SRCIN1: variants seen among roughly 807,000 people sequenced by gnomAD.
SRCIN1 encodes the protein P130Cas-associated protein.
In SRCIN1, 50 loss-of-function variants were observed where a neutral mutation model predicts 116.2. The observed-to-expected ratio is 0.43, with a 90% CI of 0.34 to 0.54. The LOEUF (loss-of-function observed/expected upper bound fraction) is 0.54, where lower values mean the gene tolerates loss of function less well. SRCIN1 is among the 20% of genes least tolerant of loss of function. The pLI, the probability that SRCIN1 is intolerant of heterozygous loss-of-function variation, is 0.02. For missense variants in SRCIN1, 1,446 were observed against 1,672.0 expected (o/e 0.86, Z 2.36); for synonymous variants, 736 against 750.0 (o/e 0.98, Z 0.30).
chr17:38,568,245 TAAGAG>T lies in SRCIN1; in HGVS notation c.325-19_325-15del, dbSNP rs779338514. The T allele has an allele frequency of 6.2e-7, 1 of 1,612,174 alleles. No individual in the cohort carries two copies. The highest frequency in any genetic ancestry group is 1.1e-5 in the South Asian group (1 of 90,574). ...CCAGTAGTTTGGCTGCTGATGGAAA[TAAGAG>T]AAGAGATGGTTATGAGGGGGCCCAG... is the stretch of plus-strand genomic sequence containing the variant. On this transcript the variant is annotated splice_polypyrimidine_tract_variant and intron_variant, in intron 2 of 18. Coordinates refer to ENST00000617146, the MANE Select transcript of SRCIN1 (RefSeq NM_025248.3). The surrounding 1 kb of genome is among the most constrained non-coding windows in gnomAD (Gnocchi z 4.5).
At position 38,552,203 on chromosome 17, in the gene SRCIN1, G is replaced by T; in HGVS notation, c.2481-71C>A. 6.4e-7 allele frequency: 1 copy of T among 1,552,610 alleles called. No individual in the cohort carries two copies. Among genetic ancestry groups the T allele is most frequent in the African/African-American group, 1.4e-5 (1 of 73,610 alleles). ...GACCCTTCTGCAGGAAGGCTGCTCT[G>T]AGGGAGGTGGGGTGGGAGGCAGGCT... On this transcript the variant is annotated intron_variant, in intron 13 of 18. Transcript: ENST00000617146. This position sits in a 1 kb window ranked among gnomAD's most constrained non-coding sequence, Gnocchi z 5.3.
chr17:38,594,239 C>T (rs1908593236), intron 1 of SRCIN1, among the ~76,000 whole-genome samples: 1 of 152,168 alleles, frequency 6.6e-6, no homozygotes, highest in Non-Finnish European at 1.5e-5. Flanking sequence ...CCTGGCTTCT[C>T]CCGGCAGCAG....
chr17:38,539,725 C>T (rs188780709), intron 18 of SRCIN1, among the ~76,000 whole-genome samples: 6 of 152,226 alleles, frequency 3.9e-5, no homozygotes, highest in African/African-American at 1.4e-4. Context: ...CTGGTGTCGT[C>T]CTTTCATTAA....
At chr17:38,551,723 T>A in intron 14 of SRCIN1, 163 bp downstream of exon 14, 1 of 1,125,684 alleles carries the variant, frequency 8.9e-7, no homozygotes, top group Non-Finnish European at 1.3e-6. Context: ...CTAGGAGGGC[T>A]AATGTCACCC....
chr17:38,582,663 G>C (rs905951057), intron 1 of SRCIN1, among the ~76,000 whole-genome samples: 2 of 152,208 alleles, frequency 1.3e-5, no homozygotes, highest in African/African-American at 4.8e-5. Flanking sequence ...TCTCTCTGAG[G>C]GGCGGTGGCA....
intron 18 of SRCIN1, among the ~76,000 whole-genome samples, chr17:38,537,092 C>T (rs1202484034): frequency 3.3e-5 from 5 of 151,766 alleles, no homozygotes; most frequent in East Asian, 3.9e-4. Context: ...GCAGGAAGAT[C>T]GCTTGAATCA....
chr17:38,606,291 C>G (rs573456385), upstream of SRCIN1, among the ~76,000 whole-genome samples: 1 of 151,776 alleles, frequency 6.6e-6, no homozygotes, highest in African/African-American at 2.4e-5. This position sits in a 1 kb window ranked among gnomAD's most constrained non-coding sequence, Gnocchi z 5.2. Flanking sequence ...GTGGAGGACT[C>G]CTGGGTCTCC....
chr17:38,542,929 A>C, intron 18 of SRCIN1: 1 of 387,410 alleles, frequency 2.6e-6, no homozygotes, highest in Admixed American at 2.9e-5. Context: ...TGGACATATC[A>C]CAGCCCCCAC....
intron 1 of SRCIN1, among the ~76,000 whole-genome samples, chr17:38,597,130 C>A (rs559028440): frequency 1.3e-5 from 2 of 152,312 alleles, no homozygotes; most frequent in Non-Finnish European, 1.5e-5. Context: ...TCCAATTTTC[C>A]CACCGATTAC....
At chr17:38,535,365 C>T (rs1243226149) in intron 18 of SRCIN1, among the ~76,000 whole-genome samples, 4 of 152,014 alleles carry the variant, frequency 2.6e-5, no homozygotes, top group Non-Finnish European at 4.4e-5. Flanking sequence ...TGCGCCACCA[C>T]GCCCGGCTAA....
intron 2 of SRCIN1, among the ~76,000 whole-genome samples, chr17:38,569,039 C>T (rs901491753): frequency 6.6e-6 from 1 of 152,084 alleles, no homozygotes; most frequent in Non-Finnish European, 1.5e-5. Context: ...GAACCTCACT[C>T]ACTGGGCAAT....
chr17:38,581,653 G>A (rs1907830855), intron 1 of SRCIN1, among the ~76,000 whole-genome samples: 1 of 152,104 alleles, frequency 6.6e-6, no homozygotes, highest in Non-Finnish European at 1.5e-5. Flanking sequence ...AGTACAAAAG[G>A]TTTCCTGATA....
intron 1 of SRCIN1, among the ~76,000 whole-genome samples, chr17:38,584,876 A>T (rs1341235995): frequency 6.6e-6 from 1 of 152,086 alleles, no homozygotes; most frequent in African/African-American, 2.4e-5. Context: ...AAGGAAGGAG[A>T]GAGGCAAATG....
intron 18 of SRCIN1, among the ~76,000 whole-genome samples, chr17:38,534,837 C>T (rs2040977241): frequency 6.6e-6 from 1 of 152,132 alleles, no homozygotes; most frequent in African/African-American, 2.4e-5. Context: ...TTATGAGAAT[C>T]AAAACAAGGG....
intron 1 of SRCIN1, among the ~76,000 whole-genome samples, chr17:38,595,491 C>A (rs1034315009): frequency 1.3e-5 from 2 of 152,236 alleles, no homozygotes; most frequent in African/African-American, 2.4e-5. Flanking sequence ...GCTGGGATTA[C>A]AGGCGTGAGC....
In SRCIN1 at chr17:38,558,197, C is replaced by T; in HGVS notation, c.2201+30G>A. The T allele has an allele frequency of 1.2e-6, 2 of 1,604,158 alleles. No individual in the cohort carries two copies. The highest frequency in any genetic ancestry group is 1.7e-6 in the Non-Finnish European group (2 of 1,173,972). ...GCGGGTCACTCCAGCCGCACCCCCA[C>T]CCCTCCCTCCGCCGCGGGCCCAGCC... On this transcript the variant is annotated intron_variant, in intron 11 of 18. Coordinates refer to ENST00000617146, the MANE Select transcript of SRCIN1 (RefSeq NM_025248.3). The surrounding 1 kb of genome is among the most constrained non-coding windows in gnomAD (Gnocchi z 4.6).
At chr17:38,592,387 C>T (rs1315750645) in intron 1 of SRCIN1, among the ~76,000 whole-genome samples, 1 of 152,218 alleles carries the variant, frequency 6.6e-6, no homozygotes, top group East Asian at 1.9e-4. Flanking sequence ...GTGAGCAGTG[C>T]ACCTCAACCA....
At chr17:38,599,528 G>A (rs921892875) in intron 1 of SRCIN1, among the ~76,000 whole-genome samples, 24 of 152,166 alleles carry the variant, frequency 1.6e-4, no homozygotes, top group African/African-American at 4.8e-4. Flanking sequence ...ACAGACCACC[G>A]TCATTGAGGT....
intron 3 of SRCIN1, among the ~76,000 whole-genome samples, chr17:38,566,166 G>T (rs906372487): frequency 6.6e-6 from 1 of 152,156 alleles, no homozygotes; most frequent in African/African-American, 2.4e-5. Context: ...ATGGTGCCGG[G>T]GGGACACCAG....
Sources: allele counts gnomAD v4.1 joint callset (sites outside exome capture counted in the v4.1 genomes callset), GRCh38; gene constraint gnomAD v4.1.1; non-coding constraint Gnocchi (gnomAD v3.1); transcripts MANE v1.5; gene names NCBI Gene and HGNC (gene_info 2026-07-23, HGNC 2026-07-21).